The following NWD2 variants were observed in gnomAD, a reference collection of about 807,000 sequenced individuals.
NWD2 encodes NACHT and WD repeat domain-containing protein 2.
A neutral mutation model predicts 132.7 loss-of-function variants in NWD2; 37 were observed. The observed-to-expected ratio is 0.28, with a 90% CI of 0.21 to 0.37. The LOEUF (loss-of-function observed/expected upper bound fraction) is 0.37, where lower values mean the gene tolerates loss of function less well. NWD2 is among the 10% of genes least tolerant of loss of function. NWD2 has a pLI of 1.00. For missense variants in NWD2, 1,592 were observed against 2,122.4 expected (o/e 0.75, Z 4.91); for synonymous variants, 705 against 803.0 (o/e 0.88, Z 2.06).
At chr4:37,284,510 C>T (rs1452795656) in intron 1 of NWD2, among the ~76,000 whole-genome samples, 1 of 152,230 alleles carries the variant, frequency 6.6e-6, no homozygotes. Flanking sequence ...TCCTTGGCTC[C>T]TCCAGTGCCT....
intron 3 of NWD2, among the ~76,000 whole-genome samples, chr4:37,423,034 C>G (rs1711871604): frequency 6.6e-6 from 1 of 151,050 alleles, no homozygotes; most frequent in Admixed American, 6.6e-5. Context: ...AAATTATTAT[C>G]AACCATCAGA....
intron 1 of NWD2, among the ~76,000 whole-genome samples, chr4:37,308,478 A>G (rs1718759358): frequency 6.6e-6 from 1 of 152,162 alleles, no homozygotes; most frequent in Admixed American, 6.5e-5. Flanking sequence ...TTGGAGGGGT[A>G]TGCTGGTCAG....
At chr4:37,289,241 A>G (rs1321893561) in intron 1 of NWD2, among the ~76,000 whole-genome samples, 1 of 152,140 alleles carries the variant, frequency 6.6e-6, no homozygotes, top group Non-Finnish European at 1.5e-5. Context: ...CCAAATGATA[A>G]TCTAGTTTGG....
rs918557556 is a variant in NWD2, at chr4:37,445,222, C to T, written c.3234C>T (p.Ser1078=). Residue 1078 remains serine (S), a synonymous_variant, in exon 7 of 7, where the codon AGC becomes AGT. Transcript: ENST00000309447. This position sits in a 1 kb window ranked among gnomAD's most constrained non-coding sequence, Gnocchi z 4.7. ...ANHALAWLEA[S]KDVTVIDLLY... is the part of the protein sequence containing the mutation. ...ACGCCCTTGCATGGCTCGAAGCCAG[C>T]AAAGATGTCACTGTCATCGATCTGC... 5.8e-6 allele frequency: 9 copies of T among 1,551,780 alleles called. No individual in the cohort carries two copies. In the African/African-American group the frequency reaches 1.1e-4, roughly 19 times the overall value.
At chr4:37,326,079 T>C (rs1719167997) in intron 2 of NWD2, 55 bp downstream of exon 2, 2 of 1,159,536 alleles carry the variant, frequency 1.7e-6, no homozygotes, top group East Asian at 5.3e-5. Flanking sequence ...AACTAGTGTT[T>C]GTTTCTTGTC....
chr4:37,439,504 C>T lies in NWD2; in HGVS notation c.1296+114C>T. 1 of 760,190 alleles carries T rather than the reference C, an allele frequency of 1.3e-6. No individual in the cohort carries two copies. The highest frequency in any genetic ancestry group is 2.0e-6 in the Non-Finnish European group (1 of 497,732). 47.1% of individuals were successfully genotyped at this position (760,190 alleles called of 1,614,324 possible). ...GTTTACTATGTGAATTATAGTTGGT[C>T]TTTTAGGAGTGAATACTGCAGTGCT... On this transcript the variant is annotated intron_variant, in intron 6 of 6. Transcript: ENST00000309447. This position sits in a 1 kb window ranked among gnomAD's most constrained non-coding sequence, Gnocchi z 4.5.
chr4:37,438,716 T>C lies in NWD2; in HGVS notation c.707-85T>C, dbSNP rs531504870. On this transcript the variant is annotated intron_variant, in intron 5 of 6. Coordinates refer to ENST00000309447, the MANE Select transcript of NWD2 (RefSeq NM_001144990.2). Reference sequence around the variant, plus strand: ...AACCATAAGCAAAATAATTTACCACTAATGACTAAGTGTTGACTATTGAGA... The same window carrying C: ...AACCATAAGCAAAATAATTTACCACCAATGACTAAGTGTTGACTATTGAGA... The C allele has an allele frequency of 2.8e-4, 238 of 851,110 alleles. No homozygotes were observed. The African/African-American group carries it at 3.7e-3, about 13-fold the overall frequency. The allele number at this position is 851,110 out of a possible 1,614,324, so 52.7% of individuals were successfully genotyped here.
intron 2 of NWD2, among the ~76,000 whole-genome samples, chr4:37,356,118 A>G (rs1719867034): frequency 6.6e-6 from 1 of 152,178 alleles, no homozygotes; most frequent in African/African-American, 2.4e-5. Context: ...AAAACCTTCA[A>G]CAGTTAGCAT....
At chr4:37,256,754 A>G (rs1407655106) in intron 1 of NWD2, among the ~76,000 whole-genome samples, 1 of 152,212 alleles carries the variant, frequency 6.6e-6, no homozygotes, top group East Asian at 1.9e-4. Flanking sequence ...GGGAAAAGAA[A>G]GATCCAAAGC....
Position 37,356,463 on chromosome 4 carries a change from C to T in NWD2, c.338C>T (p.Ser113Phe). Residue 113 changes from serine to phenylalanine, a missense_variant, in exon 3 of 7, where the codon TCT becomes TTT. Transcript: ENST00000309447. ...MKLLENCLKT[S>F]AGPCFVGLLG... ...CTGCTGGAGAATTGCTTGAAAACTT[C>T]TGCAGGTCCATGTTTTGTTGTGGGT... 6.5e-7 allele frequency: 1 copy of T among 1,549,612 alleles called. No individual in the cohort carries two copies. Among genetic ancestry groups the T allele is most frequent in the Non-Finnish European group, 8.7e-7 (1 of 1,145,118 alleles).
chr4:37,429,197 T>C (rs1712101934), intron 3 of NWD2, among the ~76,000 whole-genome samples: 1 of 152,234 alleles, frequency 6.6e-6, no homozygotes, highest in Non-Finnish European at 1.5e-5. Flanking sequence ...TTGCTTTGTA[T>C]TTTTATAAAA....
At chr4:37,428,562 C>T (rs1193912858) in intron 3 of NWD2, among the ~76,000 whole-genome samples, 1 of 152,214 alleles carries the variant, frequency 6.6e-6, no homozygotes, top group Non-Finnish European at 1.5e-5. Context: ...AATTGCTCAG[C>T]TCTGTAACCA....
chr4:37,363,982 A>AT (rs1720035335), intron 3 of NWD2, among the ~76,000 whole-genome samples: 1 of 150,920 alleles, frequency 6.6e-6, no homozygotes, highest in South Asian at 2.1e-4. Flanking sequence ...AAAAAAAAAA[A>AT]TTAGCTGGGA....
chr4:37,261,195 T>A (rs1475767554), intron 1 of NWD2, among the ~76,000 whole-genome samples: 1 of 152,180 alleles, frequency 6.6e-6, no homozygotes, highest in Non-Finnish European at 1.5e-5. Context: ...TGCTGAGGAC[T>A]CAGCTAGTGA....
intron 1 of NWD2, among the ~76,000 whole-genome samples, chr4:37,283,741 A>G (rs190318214): frequency 1.4e-4 from 21 of 152,322 alleles, no homozygotes; most frequent in Non-Finnish European, 2.8e-4. Context: ...ATATCTCAGT[A>G]GTATCTGAGG....
At chr4:37,280,596 A>T (rs1251768257) in intron 1 of NWD2, among the ~76,000 whole-genome samples, 1 of 152,202 alleles carries the variant, frequency 6.6e-6, no homozygotes, top group Non-Finnish European at 1.5e-5. Flanking sequence ...ACATTATTTA[A>T]GGACCTCTGT....
chr4:37,356,467 A>T lies in NWD2; in HGVS notation c.342A>T (p.Ala114=). 1 of 1,548,804 alleles carries T rather than the reference A, an allele frequency of 6.5e-7. No individual in the cohort carries two copies. The highest frequency in any genetic ancestry group is 1.7e-4 in the Middle Eastern group (1 of 5,988). ...KLLENCLKTS[A]GPCFVGLLGE... The stretch of plus-strand genomic sequence containing the variant: ...TGGAGAATTGCTTGAAAACTTCTGC[A>T]GGTCCATGTTTTGTTGTGGGTATAA... Residue 114 remains alanine (A), a synonymous_variant, in exon 3 of 7, where the codon GCA becomes GCT. Coordinates refer to ENST00000309447, the MANE Select transcript of NWD2 (RefSeq NM_001144990.2).
intron 2 of NWD2, among the ~76,000 whole-genome samples, chr4:37,354,416 A>G (rs1719829181): frequency 6.6e-6 from 1 of 152,154 alleles, no homozygotes; most frequent in Admixed American, 6.5e-5. Flanking sequence ...ATAGGCAGGA[A>G]TGTTTAAGTC....
intron 1 of NWD2, among the ~76,000 whole-genome samples, chr4:37,322,027 A>C (rs1401800396): frequency 6.6e-6 from 1 of 152,134 alleles, no homozygotes; most frequent in Non-Finnish European, 1.5e-5. Context: ...CTTTTATTAA[A>C]CCCATCGAAT....
Sources: allele counts gnomAD v4.1 joint callset (sites outside exome capture counted in the v4.1 genomes callset), GRCh38; gene constraint gnomAD v4.1.1; non-coding constraint Gnocchi (gnomAD v3.1); transcripts MANE v1.5; gene names NCBI Gene and HGNC (gene_info 2026-07-23, HGNC 2026-07-21).